COL6A6: variants seen among roughly 807,000 people sequenced by gnomAD.
COL6A6 encodes collagen alpha-6(VI) chain.
In COL6A6, 183 loss-of-function variants were observed where a neutral mutation model predicts 208.6. The ratio of observed to expected loss-of-function variants is 0.88; its 90% CI spans 0.78 to 0.99. COL6A6 has a LOEUF of 0.99. COL6A6 is among the 50% of genes least tolerant of loss of function. The pLI is 0.00. For synonymous variants in COL6A6, 973 were observed against 1,011.8 expected (o/e 0.96, Z 0.73); for missense variants, 2,816 against 2,815.2 (o/e 1.00, Z -0.01).
At position 130,675,463 on chromosome 3, in the gene COL6A6, T is replaced by C. The variant is rs2066336674; in HGVS notation, c.*66T>C. On this transcript the variant is annotated 3_prime_UTR_variant, in exon 37 of 37. Coordinates refer to ENST00000358511, the MANE Select transcript of COL6A6 (RefSeq NM_001102608.3). ...ACTCTGGACTTAAATAGTAACTAAA[T>C]CTGCTGCCAGAACTCAAGCAACAGT... 1 of 1,221,122 alleles carries C rather than the reference T, an allele frequency of 8.2e-7. No individual in the cohort carries two copies. Among genetic ancestry groups the C allele is most frequent in the East Asian group, 2.5e-5 (1 of 39,274 alleles). The allele number at this position is 1,221,122 out of a possible 1,614,324, so 75.6% of individuals were successfully genotyped here. A position where few individuals can be genotyped will look rare whatever the true frequency, so the allele number is the denominator to read the frequency against.
In COL6A6 at chr3:130,611,818, C is replaced by G. The variant is rs58228792; in HGVS notation, c.4815+1107C>G. Among the ~76,000 whole-genome samples the G allele has an allele frequency of 8.9e-4, 136 of 152,256 alleles. 3 individuals are homozygous for G. In the South Asian group the frequency reaches 0.016, roughly 18 times the overall value. The stretch of plus-strand genomic sequence containing the variant: ...TTTGTATTTTAGGTCTAGGTGTACA[C>G]GTGCAGGTTGGTTATGCAGGCAAAC... On this transcript the variant is annotated intron_variant, in intron 23 of 36. Transcript: ENST00000358511.
chr3:130,634,052 TAAAAAAA>T (rs34137705), intron 26 of COL6A6, among the ~76,000 whole-genome samples: 2 of 27,754 alleles, frequency 7.2e-5, no homozygotes, highest in Non-Finnish European at 5.1e-5. Flanking sequence ...TAGAGTATAA[TAAAAAAA>T]AAAAAAAAAA....
intron 33 of COL6A6, among the ~76,000 whole-genome samples, chr3:130,650,394 G>C (rs988900352): frequency 6.6e-6 from 1 of 152,070 alleles, no homozygotes. Flanking sequence ...AGGCCGAGGC[G>C]GGTGGATCAC....
chr3:130,532,181 A>C (rs2062113044), intron 1 of COL6A6, among the ~76,000 whole-genome samples: 1 of 152,148 alleles, frequency 6.6e-6, no homozygotes, highest in Non-Finnish European at 1.5e-5. Flanking sequence ...TATTGACTTC[A>C]AATTCCTGGA....
intron 18 of COL6A6, among the ~76,000 whole-genome samples, chr3:130,595,296 A>G (rs2063823920): frequency 6.6e-6 from 1 of 152,238 alleles, no homozygotes; most frequent in Non-Finnish European, 1.5e-5. Flanking sequence ...CCAAAACCTT[A>G]ATGAATTAAG....
chr3:130,594,892 A>G (rs2063809839), intron 18 of COL6A6, among the ~76,000 whole-genome samples: 1 of 152,204 alleles, frequency 6.6e-6, no homozygotes, highest in African/African-American at 2.4e-5. Flanking sequence ...TAAAACCATC[A>G]GATCCCATGA....
intron 20 of COL6A6, among the ~76,000 whole-genome samples, chr3:130,600,054 CA>C (rs2063967833): frequency 6.6e-6 from 1 of 151,998 alleles, no homozygotes; most frequent in African/African-American, 2.4e-5. Flanking sequence ...CAAAGAAAAC[CA>C]AAAAAACCTC....
rs887359253 is a variant in COL6A6 at position 130,554,561 on chromosome 3, A to G, written c.-31-5773A>G. ...GGTCTCCCTGTGTGTGTTCATGCAG[A>G]TGGCAGTGGCAACGGTGGGGCAGGG... is the stretch of plus-strand genomic sequence containing the variant. On this transcript the variant is annotated intron_variant, in intron 1 of 36. Transcript: ENST00000358511. 6.6e-5 allele frequency among the ~76,000 whole-genome samples: 10 copies of G among 152,216 alleles called. 1 individual carries two copies. In the East Asian group the frequency reaches 1.2e-3, roughly 18 times the overall value.
intron 33 of COL6A6, among the ~76,000 whole-genome samples, chr3:130,654,785 G>A (rs959888221): frequency 5.3e-5 from 8 of 152,302 alleles, no homozygotes; most frequent in East Asian, 1.9e-4. Context: ...ACAAGAGACC[G>A]GGGTCTTATT....
Position 130,676,892 on chromosome 3 carries a change from G to A in COL6A6, c.*1495G>A, listed in dbSNP as rs1490208496. ...AATGTTTCAAGTACAGGAAATTAATGAGCAATATTTACAATGTATTTTAAT... is the reference window on the plus strand; with the variant it reads ...AATGTTTCAAGTACAGGAAATTAATAAGCAATATTTACAATGTATTTTAAT... On this transcript the variant is annotated 3_prime_UTR_variant, in exon 37 of 37. Coordinates refer to ENST00000358511, the MANE Select transcript of COL6A6 (RefSeq NM_001102608.3). The A allele has an allele frequency of 6.6e-6, 1 of 152,190 alleles. No individual in the cohort carries two copies. The highest frequency in any genetic ancestry group is 1.5e-5 in the Non-Finnish European group (1 of 68,034). 9.4% of individuals were successfully genotyped at this position (152,190 alleles called of 1,614,324 possible).
At chr3:130,569,258 GA>G (rs1172153544) in intron 6 of COL6A6, among the ~76,000 whole-genome samples, 1 of 152,194 alleles carries the variant, frequency 6.6e-6, no homozygotes, top group Admixed American at 6.5e-5. Context: ...AAAACACTTT[GA>G]TAGTTATTAA....
chr3:130,527,944 C>T (rs534981180), intron 1 of COL6A6, among the ~76,000 whole-genome samples: 2 of 125,042 alleles, frequency 1.6e-5, no homozygotes, highest in Non-Finnish European at 3.2e-5. Flanking sequence ...TGTTGCCCTA[C>T]TCTTGGAAGC....
chr3:130,529,287 T>TAAAAAAA (rs563804664), intron 1 of COL6A6, among the ~76,000 whole-genome samples: 1 of 98,562 alleles, frequency 1.0e-5, no homozygotes. Context: ...GCAGGAAATG[T>TAAAAAAA]AAAAAAAAAA....
intron 23 of COL6A6, among the ~76,000 whole-genome samples, chr3:130,611,049 G>C (rs1905684): frequency 1.3e-5 from 2 of 152,058 alleles, no homozygotes; most frequent in Admixed American, 1.3e-4. Flanking sequence ...CCTCAAACTG[G>C]CTAAATATGA....
chr3:130,579,602 G>A (rs72992302), intron 8 of COL6A6, among the ~76,000 whole-genome samples: 6,915 of 152,154 alleles, frequency 0.045, 450 homozygotes, highest in African/African-American at 0.14. Flanking sequence ...GCTTTTATTA[G>A]CCCTTTCTTA....
chr3:130,608,862 C>T (rs1341139848), intron 21 of COL6A6, 40 bp from the exon 22 acceptor site: 1 of 1,320,390 alleles, frequency 7.6e-7, no homozygotes, highest in Non-Finnish European at 1.0e-6. Flanking sequence ...ACAAAATGTT[C>T]AGGAAACAGT....
In COL6A6 at chr3:130,566,821, AT is replaced by A. The variant is rs1457512171; in HGVS notation, c.1404del (p.Ile468MetfsTer52). On this transcript the variant is annotated frameshift_variant, in exon 5 of 37. Transcript: ENST00000358511. LOFTEE classifies it high-confidence loss of function. ...GTCAGAGGTGGTAGGGATGTTCAAC[AT>A]TGCTCCCCATAAGGTGCGGGTTGGG... is the stretch of plus-strand genomic sequence containing the variant. ...FLSEVVGMFN[I>X]APHKVRVGAV... The A allele has an allele frequency of 1.6e-5, 26 of 1,613,884 alleles. No homozygotes were observed. Among genetic ancestry groups the A allele is most frequent in the Non-Finnish European group, 2.2e-5 (26 of 1,179,898 alleles).
Position 130,566,958 on chromosome 3 carries a change from A to G in COL6A6, c.1539A>G (p.Thr513=). The G allele has an allele frequency of 6.2e-7, 1 of 1,614,062 alleles. No homozygotes were observed. The change falls in exon 5 of 37, where the codon ACA becomes ACG. Residue 513 remains threonine, a synonymous_variant. Transcript: ENST00000358511. The stretch of plus-strand genomic sequence containing the variant: ...ATATCAGGCAGATGGGTGGGAATAC[A>G]AACACAGGCGCAGCACTGAATTTCA... ...IENIRQMGGN[T]NTGAALNFTL... is the part of the protein sequence containing the mutation.
chr3:130,588,159 A>G (rs2063583243), intron 11 of COL6A6, among the ~76,000 whole-genome samples: 1 of 152,236 alleles, frequency 6.6e-6, no homozygotes, highest in African/African-American at 2.4e-5. Context: ...TTGTCAGGAA[A>G]AAGAATTTCA....
Sources: allele counts gnomAD v4.1 joint callset (sites outside exome capture counted in the v4.1 genomes callset), GRCh38; gene constraint gnomAD v4.1.1; transcripts MANE v1.5; gene names NCBI Gene and HGNC (gene_info 2026-07-23, HGNC 2026-07-21).